ALDH18A1: variants seen among roughly 807,000 people sequenced by gnomAD.
ALDH18A1 encodes the protein delta-1-pyrroline-5-carboxylate synthase.
A neutral mutation model predicts 88.8 loss-of-function variants in ALDH18A1; 44 were observed. The observed-to-expected ratio is 0.50, with a 90% CI of 0.39 to 0.64. The LOEUF (loss-of-function observed/expected upper bound fraction) is 0.64. ALDH18A1 is among the 30% of genes least tolerant of loss of function. ALDH18A1 has a pLI of 0.00. For missense variants in ALDH18A1, 782 were observed against 1,009.5 expected (o/e 0.77, Z 3.05); for synonymous variants, 331 against 372.1 (o/e 0.89, Z 1.27).
intron 12 of ALDH18A1, among the ~76,000 whole-genome samples, chr10:95,618,037 T>G (rs1371068225): frequency 1.3e-5 from 2 of 152,186 alleles, no homozygotes; most frequent in Non-Finnish European, 2.9e-5. Flanking sequence ...GCATTCCAGA[T>G]TCCACAGTCA....
chr10:95,647,723 G>C (rs1162606578), intron 2 of ALDH18A1, among the ~76,000 whole-genome samples: 1 of 152,240 alleles, frequency 6.6e-6, no homozygotes, highest in Non-Finnish European at 1.5e-5. Flanking sequence ...AGGCCTTGCT[G>C]GGTTACCCCA....
intron 11 of ALDH18A1, among the ~76,000 whole-genome samples, chr10:95,622,634 T>C (rs1159824034): frequency 6.6e-6 from 1 of 151,858 alleles, no homozygotes; most frequent in Non-Finnish European, 1.5e-5. Context: ...ACCTCCAGGG[T>C]TCAAGCCATT....
chr10:95,614,011 T>C lies in ALDH18A1; in HGVS notation c.1756A>G (p.Met586Val), dbSNP rs753064442. The change falls in exon 14 of 18, where the codon ATG becomes GTG. Residue 586 changes from methionine to valine, a missense_variant. Around this residue, in one of 3 missense-constraint regions of ALDH18A1, gnomAD observed 556 missense variants for 654.5 expected, o/e 0.85. Transcript: ENST00000371224. Reference protein sequence around the residue: ...VMGHSEGICHMYVDSEASVDK... With the variant: ...VMGHSEGICHVYVDSEASVDK... ...ACACTGGCCTCGGAATCCACATACA[T>C]GTGACAGATCCCTTCGCTGTGCCCC... The C allele has an allele frequency of 1.2e-6, 2 of 1,614,106 alleles. No individual in the cohort carries two copies. Among genetic ancestry groups the C allele is most frequent in the African/African-American group, 1.3e-5 (1 of 74,942 alleles).
rs781185179 is a variant in ALDH18A1 at position 95,628,356 on chromosome 10, C to T, written c.933+12G>A. Reference sequence around the variant, plus strand: ...AAAATTGTTATAGGCAGTTAAGGCACCAGATTCTTACCTTGGCTTCCATGC... The same window carrying T: ...AAAATTGTTATAGGCAGTTAAGGCATCAGATTCTTACCTTGGCTTCCATGC... On this transcript the variant is annotated intron_variant, in intron 8 of 17. Coordinates refer to ENST00000371224, the MANE Select transcript of ALDH18A1 (RefSeq NM_002860.4). The T allele has an allele frequency of 1.2e-6, 2 of 1,614,062 alleles. No homozygotes were observed. Among genetic ancestry groups the T allele is most frequent in the East Asian group, 2.2e-5 (1 of 44,882 alleles).
chr10:95,615,126 C>CA (rs149451416), intron 13 of ALDH18A1, among the ~76,000 whole-genome samples: 5,115 of 152,154 alleles, frequency 0.034, 119 homozygotes, highest in Non-Finnish European at 0.049. Context: ...AGTTTGAGAG[C>CA]AGCCTGGGCA....
chr10:95,637,942 T>C (rs557479927), intron 3 of ALDH18A1, among the ~76,000 whole-genome samples: 3 of 151,398 alleles, frequency 2.0e-5, no homozygotes, highest in African/African-American at 7.3e-5. Flanking sequence ...ACCTGGGCAA[T>C]AGAATGAGAG....
intron 3 of ALDH18A1, among the ~76,000 whole-genome samples, chr10:95,639,580 A>G (rs1041408830): frequency 6.6e-6 from 1 of 151,186 alleles, no homozygotes; most frequent in African/African-American, 2.4e-5. Context: ...TATTATATAT[A>G]ATATATAATT....
intron 17 of ALDH18A1, among the ~76,000 whole-genome samples, chr10:95,608,794 C>T (rs1361179004): frequency 4.6e-5 from 7 of 152,208 alleles, no homozygotes; most frequent in African/African-American, 1.4e-4. Context: ...AGCCACTGCC[C>T]GTGGCCTAAA....
Position 95,606,096 on chromosome 10 carries a change from G to A in ALDH18A1, c.*666C>T. 1 of 258,048 alleles carries A rather than the reference G, an allele frequency of 3.9e-6. No individual in the cohort carries two copies. Among genetic ancestry groups the A allele is most frequent in the Non-Finnish European group, 6.1e-6 (1 of 164,368 alleles). 16.0% of individuals were successfully genotyped at this position (258,048 alleles called of 1,614,324 possible). A position where few individuals can be genotyped will look rare whatever the true frequency, so the allele number is the denominator to read the frequency against. ...GCTGTAGATATTCCTCCAGCTCAGT[G>A]GGGAACATCCTGAAACTTGCATCTC... is the stretch of plus-strand genomic sequence containing the variant. On this transcript the variant is annotated 3_prime_UTR_variant, in exon 18 of 18. Transcript: ENST00000371224.
chr10:95,622,863 T>A (rs1480253073), intron 11 of ALDH18A1, among the ~76,000 whole-genome samples: 3 of 152,110 alleles, frequency 2.0e-5, no homozygotes, highest in Admixed American at 6.5e-5. Context: ...AACAGTAGTA[T>A]GCATGATGTG....
chr10:95,651,089 C>T (rs925430055), intron 2 of ALDH18A1, among the ~76,000 whole-genome samples: 9 of 151,938 alleles, frequency 5.9e-5, no homozygotes, highest in Non-Finnish European at 8.8e-5. Context: ...GCTGAGATTG[C>T]GCCACTACAC....
Position 95,621,168 on chromosome 10 carries a change from C to A in ALDH18A1, c.1330G>T (p.Ala444Ser). Residue 444 changes from alanine (A) to serine (S), a missense_variant, in exon 12 of 18, where the codon GCA becomes TCA. Around this residue, in one of 3 missense-constraint regions of ALDH18A1, gnomAD observed 556 missense variants for 654.5 expected, o/e 0.85. Transcript: ENST00000371224. The stretch of plus-strand genomic sequence containing the variant: ...CCCACGCTGTCCTGGGAGGAGGCTG[C>A]GATCTGTCGCAGACCGATGGCCAGG... ...NSLAIGLRQIAASSQDSVGRV... is the reference protein window; with the variant it reads ...NSLAIGLRQISASSQDSVGRV... The A allele has an allele frequency of 1.2e-6, 2 of 1,614,052 alleles. No individual in the cohort carries two copies. Among genetic ancestry groups the A allele is most frequent in the Non-Finnish European group, 1.7e-6 (2 of 1,180,016 alleles).
Position 95,623,985 on chromosome 10 carries a change from G to A in ALDH18A1, c.1246+1377C>T, listed in dbSNP as rs549771371. Among the ~76,000 whole-genome samples the A allele has an allele frequency of 2.6e-5, 4 of 152,254 alleles. No individual in the cohort carries two copies. In the East Asian group the frequency reaches 7.7e-4, roughly 29 times the overall value. On this transcript the variant is annotated intron_variant, in intron 11 of 17. Coordinates refer to ENST00000371224, the MANE Select transcript of ALDH18A1 (RefSeq NM_002860.4). ...CAAAGTGCTGGGATTACAGGCATGA[G>A]CCACTGCGCCCAGCAGTAATTTTTG...
intron 2 of ALDH18A1, among the ~76,000 whole-genome samples, chr10:95,644,443 T>G (rs1387109857): frequency 1.3e-5 from 2 of 152,172 alleles, no homozygotes; most frequent in Non-Finnish European, 2.9e-5. Flanking sequence ...ACAAAAATTC[T>G]ACAAGATTTC....
intron 10 of ALDH18A1, 58 bp from the exon 11 acceptor site, chr10:95,625,513 C>A: frequency 6.9e-7 from 1 of 1,451,504 alleles, no homozygotes; most frequent in African/African-American, 1.4e-5. Context: ...AGAATGCACA[C>A]CACAGTTTTT....
chr10:95,623,301 C>T (rs113884848), intron 11 of ALDH18A1, among the ~76,000 whole-genome samples: 71 of 152,328 alleles, frequency 4.7e-4, no homozygotes, highest in African/African-American at 1.5e-3. Flanking sequence ...TACAGCTGAA[C>T]GCACTTAACC....
chr10:95,639,906 T>C (rs1453355915), intron 3 of ALDH18A1, among the ~76,000 whole-genome samples: 2 of 152,116 alleles, frequency 1.3e-5, no homozygotes, highest in African/African-American at 2.4e-5. Context: ...TATAAACTGC[T>C]GTTTGGTATG....
At chr10:95,637,539 G>T in intron 3 of ALDH18A1, 103 bp from the exon 4 acceptor site, 1 of 1,389,026 alleles carries the variant, frequency 7.2e-7, no homozygotes, top group Non-Finnish European at 1.0e-6. Context: ...GATCCCAAAT[G>T]CTGGTTTATG....
At position 95,616,536 on chromosome 10, in the gene ALDH18A1, G is replaced by C. The variant is rs2097844547; in HGVS notation, c.1546C>G (p.Leu516Val). The C allele has an allele frequency of 6.3e-7, 1 of 1,589,098 alleles. No homozygotes were observed. The highest frequency in any genetic ancestry group is 8.6e-7 in the Non-Finnish European group (1 of 1,167,058). Residue 516 changes from leucine to valine, a missense_variant, in exon 13 of 18, where the codon CTC (leucine) becomes GTC (valine). By Grantham distance (32) the Leu-to-Val change is conservative. This residue lies in a region of ALDH18A1 where 556 missense variants were observed against 654.5 expected (regional missense o/e 0.85). Transcript: ENST00000371224. ...AGAGCCTCCTGGGTCAGGAGGTGGA[G>C]AATCCGGTTGCTGTGTGCAGCCTCC... is the stretch of plus-strand genomic sequence containing the variant. ...GKEAAHSNRI[L>V]HLLTQEALSI...
Sources: gnomAD v4.1 joint callset for allele counts (sites outside exome capture counted in the v4.1 genomes callset) on GRCh38, gnomAD v4.1.1 for gene constraint, gnomAD v4.1.1 regional missense constraint, MANE v1.5 for transcripts, NCBI Gene and HGNC (gene_info 2026-07-23, HGNC 2026-07-21) for gene names.